Variants in ARID3C observed in about 807,000 individuals in gnomAD.
The protein encoded by ARID3C is AT-rich interaction domain 3C.
A neutral mutation model predicts 37.9 loss-of-function variants in ARID3C; 42 were observed. The ratio of observed to expected loss-of-function variants is 1.11; its 90% confidence interval spans 0.87 to 1.43. The LOEUF is 1.43. ARID3C is among the 40% of genes most tolerant of loss of function. The pLI is 0.00. For missense variants in ARID3C, 581 were observed against 548.8 expected, an observed-to-expected ratio of 1.06 and a Z score of -0.59; for synonymous variants, 213 against 228.0, an observed-to-expected ratio of 0.93 and a Z score of 0.59.
intron 6 of ARID3C, 83 bp from the exon 8 acceptor site, chr9:34,621,641 T>G: frequency 9.7e-7 from 1 of 1,031,164 alleles, no homozygotes; most frequent in Non-Finnish European, 1.4e-6. Flanking sequence ...GGAACAAAAG[T>G]AAGTGTTCTG....
exon 1 of ARID3C, chr9:34,627,820 T>C: frequency 9.9e-6 from 16 of 1,612,648 alleles, no homozygotes; most frequent in African/African-American, 1.3e-5. Context: ...CTGCCCCGGC[T>C]TCCTCCCGCT....
At chr9:34,625,039 T>G (rs1028942261) in intron 2 of ARID3C, among the ~76,000 whole-genome samples, 1 of 116,366 alleles carries the variant, frequency 8.6e-6, no homozygotes, top group East Asian at 2.4e-4. Flanking sequence ...GAGTGGGAAG[T>G]GGGCCAGCAG....
At chr9:34,629,848 G>A (rs1820707466), upstream of ARID3C, among the ~76,000 whole-genome samples, 1 of 152,060 alleles carries the variant, frequency 6.6e-6, no homozygotes, top group Non-Finnish European at 1.5e-5. Context: ...CGCCTCCCAG[G>A]TTCAAGTGAT....
chr9:34,622,322 C>T (rs1184630445), intron 5 of ARID3C, 25 bp downstream of exon 6: 16 of 1,587,666 alleles, frequency 1.0e-5, no homozygotes, highest in Non-Finnish European at 1.4e-5. Context: ...GTCCCGAAGC[C>T]CCCTCACAAC....
chr9:34,626,628 G>A (rs938476783), intron 1 of ARID3C, among the ~76,000 whole-genome samples: 3 of 152,032 alleles, frequency 2.0e-5, no homozygotes, highest in Non-Finnish European at 4.4e-5. Context: ...ATCCCCATAA[G>A]AATCCTCAGA....
chr9:34,625,803 G>C (rs144207435), exon 2 of ARID3C: 1 of 1,613,854 alleles, frequency 6.2e-7, no homozygotes, highest in South Asian at 1.1e-5. Flanking sequence ...GGTCTGCATC[G>C]AGCTCATACA....
At chr9:34,626,131 C>A (rs1321824804) in intron 1 of ARID3C, among the ~76,000 whole-genome samples, 2 of 152,186 alleles carry the variant, frequency 1.3e-5, no homozygotes, top group Non-Finnish European at 2.9e-5. Flanking sequence ...TTCCCCCACC[C>A]TCATGGGAAA....
exon 1 of ARID3C, chr9:34,627,951 C>G: frequency 6.5e-7 from 1 of 1,549,752 alleles, no homozygotes; most frequent in Non-Finnish European, 8.7e-7. Flanking sequence ...AGCGGGCATG[C>G]AGGGGCCAAT....
rs201191420 is a variant in ARID3C, at chr9:34,621,544, G to A, written c.1153C>T (p.Arg385Cys). 3.2e-5 allele frequency: 51 copies of A among 1,571,470 alleles called. No homozygotes were observed. Among genetic ancestry groups the A allele is most frequent in the Admixed American group, 3.2e-4 (16 of 49,484 alleles). ...TGGGAAGCTGGCACAGGCTGGCGGCGGGCAAAGAGGACACCTGGCAAAGGG... is the reference window on the plus strand; with the variant it reads ...TGGGAAGCTGGCACAGGCTGGCGGCAGGCAAAGAGGACACCTGGCAAAGGG... Residue 385 changes from arginine to cysteine, a missense_variant, in exon 7 of 7, where the codon CGC becomes TGC. By Grantham distance (180) the Arg-to-Cys change is radical. Transcript: ENST00000378909.
intron 4 of ARID3C, among the ~76,000 whole-genome samples, chr9:34,623,202 C>A (rs951591041): frequency 3.3e-5 from 5 of 151,592 alleles, no homozygotes; most frequent in Non-Finnish European, 5.9e-5. Flanking sequence ...TGAACTTCAG[C>A]CCCTACACTT....
upstream of ARID3C, chr9:34,628,167 G>A (rs1320530920): frequency 4.8e-6 from 5 of 1,031,108 alleles, no homozygotes; most frequent in Non-Finnish European, 6.7e-6. This position sits in a 1 kb window ranked among gnomAD's most constrained non-coding sequence, Gnocchi z 5.2. Context: ...CATGGATTCA[G>A]GGAAGTGCAG....
At chr9:34,624,034 G>T (rs768457577) in exon 3 of ARID3C, 2 of 1,589,790 alleles carry the variant, frequency 1.3e-6, no homozygotes, top group African/African-American at 1.3e-5. Context: ...TGGGCACGCG[G>T]TTCACTGGCG....
chr9:34,623,468 T>C (rs1485064399), exon 4 of ARID3C: 1 of 1,537,226 alleles, frequency 6.5e-7, no homozygotes, highest in Non-Finnish European at 8.7e-7. Context: ...ATGCATGCGC[T>C]GGCAGGCCGG....
chr9:34,628,797 G>C (rs1383949007), upstream of ARID3C, among the ~76,000 whole-genome samples: 1 of 152,234 alleles, frequency 6.6e-6, no homozygotes, highest in African/African-American at 2.4e-5. The surrounding 1 kb of genome is among the most constrained non-coding windows in gnomAD (Gnocchi z 5.2). Flanking sequence ...GGACCAAGGA[G>C]TCGCGGGGAT....
chr9:34,622,597 C>T, intron 4 of ARID3C, 68 bp from the exon 6 acceptor site: 3 of 1,481,194 alleles, frequency 2.0e-6, no homozygotes, highest in Middle Eastern at 1.8e-4. Flanking sequence ...CTCCCCCAGG[C>T]CTGGGACCAA....
chr9:34,626,409 C>T (rs182991696), intron 1 of ARID3C, among the ~76,000 whole-genome samples: 10 of 152,258 alleles, frequency 6.6e-5, no homozygotes, highest in African/African-American at 1.7e-4. Flanking sequence ...TGCCTACAGA[C>T]GCTGCTATAG....
chr9:34,627,337 C>T (rs930213686), intron 1 of ARID3C, among the ~76,000 whole-genome samples: 2 of 152,020 alleles, frequency 1.3e-5, no homozygotes, highest in Non-Finnish European at 2.9e-5. Context: ...AATCCCCAGC[C>T]CCTAGACTGC....
upstream of ARID3C, among the ~76,000 whole-genome samples, chr9:34,629,631 A>C (rs1244461467): frequency 6.6e-6 from 1 of 152,248 alleles, no homozygotes; most frequent in Non-Finnish European, 1.5e-5. Flanking sequence ...CTATGCACTC[A>C]CACACTCTCA....
intron 1 of ARID3C, among the ~76,000 whole-genome samples, chr9:34,627,340 T>C (rs1288660668): frequency 6.6e-6 from 1 of 152,042 alleles, no homozygotes; most frequent in Non-Finnish European, 1.5e-5. Flanking sequence ...CCCCAGCCCC[T>C]AGACTGCCTT....
Sources: gnomAD v4.1 joint callset for allele counts (sites outside exome capture counted in the v4.1 genomes callset) on GRCh38, gnomAD v4.1.1 for gene constraint, Gnocchi (gnomAD v3.1) non-coding constraint, MANE v1.5 for transcripts, NCBI Gene and HGNC (gene_info 2026-07-23, HGNC 2026-07-21) for gene names.